RGPD2: variants seen among roughly 807,000 people sequenced by gnomAD.
The protein encoded by RGPD2 is RANBP2 like and GRIP domain containing 2.
RGPD2 carries 2 observed loss-of-function variants against 36.0 expected under a neutral mutation model. That is an observed-to-expected ratio of 0.06 (90% CI 0.02 to 0.17). The LOEUF (loss-of-function observed/expected upper bound fraction) is 0.17, where lower values mean the gene tolerates loss of function less well. RGPD2 is among the 10% of genes least tolerant of loss of function. The pLI is 1.00. For missense variants in RGPD2, 40 were observed against 464.3 expected (o/e 0.09, Z 8.40); for synonymous variants, 19 against 163.8 (o/e 0.12, Z 6.75).
At chr2:87,842,354 C>T in the RGPD2 span, among the ~76,000 whole-genome samples, 5 of 149,152 alleles carry the variant, frequency 3.4e-5, no homozygotes, top group Non-Finnish European at 7.4e-5. Context: ...TAAGCAACTT[C>T]AGCAAAGTCT....
At chr2:87,930,903 G>A in the RGPD2 span, among the ~76,000 whole-genome samples, 7 of 138,088 alleles carry the variant, frequency 5.1e-5, no homozygotes, top group Non-Finnish European at 1.1e-4. Flanking sequence ...TTGTATTTCC[G>A]TGAGGTCAGT....
At chr2:87,964,448 TG>T in the RGPD2 span, among the ~76,000 whole-genome samples, 4 of 152,130 alleles carry the variant, frequency 2.6e-5, no homozygotes, top group Non-Finnish European at 4.4e-5. Context: ...CTCATTTTAT[TG>T]CACTACATTT....
the RGPD2 span, among the ~76,000 whole-genome samples, chr2:87,847,499 ATT>A: frequency 3.1e-5 from 4 of 130,536 alleles, no homozygotes; most frequent in Non-Finnish European, 6.7e-5. Flanking sequence ...TTGTTTTTTA[ATT>A]TTTTTTTTTT....
chr2:87,896,971 C>G, the RGPD2 span, among the ~76,000 whole-genome samples: 1 of 152,158 alleles, frequency 6.6e-6, no homozygotes, highest in Non-Finnish European at 1.5e-5. Flanking sequence ...TATTTACAAA[C>G]AAATTCATAC....
the RGPD2 span, chr2:87,985,945 C>G: frequency 1.4e-6 from 2 of 1,470,066 alleles, no homozygotes; most frequent in Non-Finnish European, 1.9e-6. Context: ...TTTTAGTATT[C>G]TTACTCTGCA....
chr2:87,825,529 G>C lies in RGPD2; in HGVS notation c.72+129C>G, dbSNP rs1233293611. The C allele has an allele frequency of 8.1e-6, 4 of 495,562 alleles. No individual in the cohort carries two copies. In the Admixed American group the frequency reaches 9.3e-4, roughly 115 times the overall value. 30.7% of individuals were successfully genotyped at this position (495,562 alleles called of 1,614,324 possible). A position where few individuals can be genotyped will look rare whatever the true frequency, so the allele number is the denominator to read the frequency against. ...GAGGCCGAGGCCGCCGCCCGGCCGAGGCCGAGGCCGAGGCCGCCGCCCGGC... is the reference window on the plus strand; with the variant it reads ...GAGGCCGAGGCCGCCGCCCGGCCGACGCCGAGGCCGAGGCCGCCGCCCGGC... On this transcript the variant is annotated intron_variant, in intron 1 of 22. Transcript: ENST00000398146.
At chr2:87,922,154 G>A in the RGPD2 span, among the ~76,000 whole-genome samples, 17 of 151,550 alleles carry the variant, frequency 1.1e-4, no homozygotes, top group African/African-American at 3.4e-4. Flanking sequence ...TTAGCTGGGC[G>A]TGGTGGCGTG....
chr2:87,976,374 G>T, the RGPD2 span, among the ~76,000 whole-genome samples: 1 of 152,156 alleles, frequency 6.6e-6, no homozygotes, highest in Non-Finnish European at 1.5e-5. Context: ...AAAAGGGGAA[G>T]AGCATTAACC....
At chr2:87,944,567 G>A in the RGPD2 span, among the ~76,000 whole-genome samples, 3 of 110,728 alleles carry the variant, frequency 2.7e-5, no homozygotes, top group Non-Finnish European at 5.0e-5. Context: ...TTCTGCCTGG[G>A]GCTGGATTTT....
At chr2:87,836,801 A>G in the RGPD2 span, among the ~76,000 whole-genome samples, 1 of 152,264 alleles carries the variant, frequency 6.6e-6, no homozygotes, top group East Asian at 1.9e-4. Flanking sequence ...AATTGGGTAA[A>G]GCAGCCAAAC....
the RGPD2 span, among the ~76,000 whole-genome samples, chr2:87,943,386 C>T: frequency 6.6e-6 from 1 of 151,380 alleles, no homozygotes; most frequent in Non-Finnish European, 1.5e-5. Flanking sequence ...TACCTTTGGC[C>T]ACTTGTATTT....
At chr2:87,824,774 C>CG (rs1686582603) in intron 1 of RGPD2, among the ~76,000 whole-genome samples, 2 of 57,150 alleles carry the variant, frequency 3.5e-5, no homozygotes, top group Admixed American at 3.9e-4. Flanking sequence ...GCCGCCCGGC[C>CG]AGGCCGAGGC....
the RGPD2 span, among the ~76,000 whole-genome samples, chr2:87,861,527 T>C: frequency 2.6e-5 from 4 of 152,180 alleles, no homozygotes; most frequent in Non-Finnish European, 5.9e-5. Context: ...TTAATTCTTC[T>C]CCATTTGGTT....
At chr2:87,784,454 AT>A (rs1685510103) in intron 19 of RGPD2, 107 bp from the exon 20 acceptor site, 1 of 866,122 alleles carries the variant, frequency 1.2e-6, no homozygotes, top group African/African-American at 1.7e-5. Context: ...GTTAACAATA[AT>A]GATGATGATG....
At chr2:87,948,026 C>T in the RGPD2 span, among the ~76,000 whole-genome samples, 31 of 152,256 alleles carry the variant, frequency 2.0e-4, no homozygotes, top group East Asian at 1.9e-3. Flanking sequence ...TCACTCGCCG[C>T]GGTCCGCCAC....
chr2:87,939,812 G>A, the RGPD2 span, among the ~76,000 whole-genome samples: 6 of 151,946 alleles, frequency 3.9e-5, no homozygotes, highest in Admixed American at 6.6e-5. Context: ...TTACTTGATT[G>A]TGCTGTTTGA....
At chr2:87,843,002 A>G in the RGPD2 span, among the ~76,000 whole-genome samples, 1 of 151,442 alleles carries the variant, frequency 6.6e-6, no homozygotes, top group South Asian at 2.1e-4. Context: ...AAAACTGGCT[A>G]GCCATATGTA....
chr2:87,853,036 C>T, the RGPD2 span, among the ~76,000 whole-genome samples: 2 of 152,218 alleles, frequency 1.3e-5, no homozygotes, highest in South Asian at 2.1e-4. Context: ...TTAGTAAATA[C>T]TGGTTGAGTT....
At chr2:87,989,565 A>C in the RGPD2 span, 1 of 410,620 alleles carries the variant, frequency 2.4e-6, no homozygotes, top group Non-Finnish European at 4.2e-6. Flanking sequence ...AAATAGTGCC[A>C]AAAAATGACA....
Sources: gnomAD v4.1 joint callset for allele counts (sites outside exome capture counted in the v4.1 genomes callset) on GRCh38, gnomAD v4.1.1 for gene constraint, MANE v1.5 for transcripts, NCBI Gene and HGNC (gene_info 2026-07-23, HGNC 2026-07-21) for gene names.